SLC24A3: variants seen among roughly 807,000 people sequenced by gnomAD.
SLC24A3 encodes the protein sodium/potassium/calcium exchanger 3.
A neutral mutation model predicts 75.8 loss-of-function variants in SLC24A3; 28 were observed. The observed-to-expected ratio is 0.37, with a 90% CI of 0.27 to 0.51. SLC24A3 has a LOEUF of 0.51. Ranked by LOEUF, SLC24A3 falls within the 20% of genes least tolerant of loss-of-function variation. The pLI, the probability that SLC24A3 is intolerant of heterozygous loss-of-function variation, is 0.94. For missense variants in SLC24A3, 663 were observed against 847.8 expected (o/e 0.78, Z 2.71); for synonymous variants, 372 against 334.1 (o/e 1.11, Z -1.24).
At chr20:19,562,368 G>T (rs958994767) in intron 3 of SLC24A3, among the ~76,000 whole-genome samples, 1 of 152,108 alleles carries the variant, frequency 6.6e-6, no homozygotes, top group Non-Finnish European at 1.5e-5. Context: ...TGAACAGATT[G>T]CAAGAAGGAC....
chr20:19,228,505 C>T (rs530080273), intron 1 of SLC24A3, among the ~76,000 whole-genome samples: 50 of 152,026 alleles, frequency 3.3e-4, no homozygotes, highest in Middle Eastern at 3.4e-3. Flanking sequence ...CGGGCGTGGG[C>T]GTGGTGGTGG....
intron 2 of SLC24A3, among the ~76,000 whole-genome samples, chr20:19,375,548 T>C (rs1434485722): frequency 6.6e-6 from 1 of 152,206 alleles, no homozygotes; most frequent in African/African-American, 2.4e-5. Context: ...GTTAAAGCGT[T>C]CATGGAGTGA....
intron 6 of SLC24A3, among the ~76,000 whole-genome samples, chr20:19,647,491 A>G (rs2032153007): frequency 6.6e-6 from 1 of 152,188 alleles, no homozygotes; most frequent in South Asian, 2.1e-4. Context: ...AGATATCCTT[A>G]CACCTGGTAC....
At chr20:19,298,808 G>A (rs1458733665) in intron 2 of SLC24A3, among the ~76,000 whole-genome samples, 3 of 152,164 alleles carry the variant, frequency 2.0e-5, no homozygotes, top group Non-Finnish European at 4.4e-5. Flanking sequence ...TCTGGCTGGG[G>A]TCGCCAGGAT....
chr20:19,543,914 T>A (rs6046169), intron 3 of SLC24A3, among the ~76,000 whole-genome samples: 1 of 151,966 alleles, frequency 6.6e-6, no homozygotes, highest in East Asian at 1.9e-4. Context: ...GAGTGCTGCC[T>A]CCTTTGGAAC....
At chr20:19,323,253 C>A (rs1984757890) in intron 2 of SLC24A3, among the ~76,000 whole-genome samples, 2 of 148,710 alleles carry the variant, frequency 1.3e-5, no homozygotes, top group Non-Finnish European at 3.0e-5. Context: ...CTTCTTTATT[C>A]TTCAAGCTAT....
At chr20:19,646,867 G>GTGTT (rs1224260967) in intron 6 of SLC24A3, among the ~76,000 whole-genome samples, 2 of 152,044 alleles carry the variant, frequency 1.3e-5, no homozygotes, top group Non-Finnish European at 2.9e-5. Flanking sequence ...GTGTGTGTGT[G>GTGTT]TGTTTATGCT....
intron 2 of SLC24A3, among the ~76,000 whole-genome samples, chr20:19,470,418 G>A (rs1212691594): frequency 6.6e-6 from 1 of 152,172 alleles, no homozygotes; most frequent in Non-Finnish European, 1.5e-5. Context: ...AGGCCAGGCT[G>A]CACTGCCCAA....
chr20:19,212,752 C>G lies in SLC24A3; in HGVS notation c.-91C>G. ...GCAGCGAGGACGCGCGGCTGCTGCG[C>G]GCAGGGCTGCCTCCTGCCGCTGTCC... On this transcript the variant is annotated 5_prime_UTR_variant, in exon 1 of 17. Transcript: ENST00000328041. The G allele has an allele frequency of 1.1e-6, 1 of 944,174 alleles. No individual in the cohort carries two copies. The highest frequency in any genetic ancestry group is 1.8e-5 in the African/African-American group (1 of 56,010). The allele number at this position is 944,174 out of a possible 1,614,324, so 58.5% of individuals were successfully genotyped here.
rs150242239 is a variant in SLC24A3, at chr20:19,445,966, A to T, written c.272-69522A>T. Among the ~76,000 whole-genome samples the T allele has an allele frequency of 1.3e-3, 198 of 152,352 alleles. 1 individual carries two copies. Among genetic ancestry groups the T allele is most frequent in the African/African-American group, 4.5e-3 (186 of 41,586 alleles). On this transcript the variant is annotated intron_variant, in intron 2 of 16. Coordinates refer to ENST00000328041, the MANE Select transcript of SLC24A3 (RefSeq NM_020689.4). ...TACATGCTGTGTACCAGGTACCGGC[A>T]TCTCATTCTATCCTCACAGTAACCC...
chr20:19,374,077 T>A (rs1444360830), intron 2 of SLC24A3, among the ~76,000 whole-genome samples: 2 of 152,188 alleles, frequency 1.3e-5, no homozygotes, highest in Non-Finnish European at 2.9e-5. Context: ...ATGCCTTTGC[T>A]TGAGATCCGG....
At chr20:19,214,863 C>G (rs1321439886) in intron 1 of SLC24A3, among the ~76,000 whole-genome samples, 1 of 151,988 alleles carries the variant, frequency 6.6e-6, no homozygotes, top group South Asian at 2.1e-4. Flanking sequence ...TTCTTTTTTC[C>G]TCTCACTTCC....
intron 3 of SLC24A3, among the ~76,000 whole-genome samples, chr20:19,559,925 T>C (rs1407826080): frequency 1.3e-5 from 2 of 152,098 alleles, no homozygotes; most frequent in African/African-American, 4.8e-5. Flanking sequence ...AATAAATAAA[T>C]AATAAAAACC....
intron 2 of SLC24A3, among the ~76,000 whole-genome samples, chr20:19,322,399 CTTCCTTCCTTCCTTCCTTCCTTCT>C (rs1289520868): frequency 2.1e-5 from 3 of 145,364 alleles, no homozygotes; most frequent in African/African-American, 5.3e-5. Flanking sequence ...TCCTTCCTTC[CTTCCTTCCTTCCTTCCTTCCTTCT>C]TTCCTTACAT....
At chr20:19,560,561 C>G (rs184645571) in intron 3 of SLC24A3, among the ~76,000 whole-genome samples, 1 of 152,294 alleles carries the variant, frequency 6.6e-6, no homozygotes, top group Admixed American at 6.5e-5. Context: ...CATCTGCTCC[C>G]TGTACCAGAC....
intron 2 of SLC24A3, among the ~76,000 whole-genome samples, chr20:19,330,249 C>T (rs535133456): frequency 1.3e-5 from 2 of 152,254 alleles, no homozygotes; most frequent in Admixed American, 6.5e-5. Context: ...TCTGGACCTG[C>T]TCAGACTCCT....
chr20:19,689,410 G>A (rs1016524082), intron 12 of SLC24A3, among the ~76,000 whole-genome samples: 10 of 152,214 alleles, frequency 6.6e-5, no homozygotes, highest in Admixed American at 3.9e-4. Flanking sequence ...TCATGCTTAC[G>A]GGCCAGCTCC....
chr20:19,492,076 G>A (rs1291627816), intron 2 of SLC24A3, among the ~76,000 whole-genome samples: 1 of 152,172 alleles, frequency 6.6e-6, no homozygotes, highest in Non-Finnish European at 1.5e-5. Flanking sequence ...AGTGGTGTGG[G>A]CAGATACCCA....
At chr20:19,376,456 T>C (rs1352437013) in intron 2 of SLC24A3, among the ~76,000 whole-genome samples, 1 of 152,172 alleles carries the variant, frequency 6.6e-6, no homozygotes, top group African/African-American at 2.4e-5. Context: ...CCAGATTGCC[T>C]TGTGCGCTGC....
Sources: allele counts gnomAD v4.1 joint callset (sites outside exome capture counted in the v4.1 genomes callset), GRCh38; gene constraint gnomAD v4.1.1; transcripts MANE v1.5; gene names NCBI Gene and HGNC (gene_info 2026-07-23, HGNC 2026-07-21).